The following TMEM67 variants were observed in gnomAD, a reference collection of about 807,000 sequenced individuals.
The protein encoded by TMEM67 is transmembrane protein 67.
A neutral mutation model predicts 136.6 loss-of-function variants in TMEM67; 124 were observed. The ratio of observed to expected loss-of-function variants is 0.91; its 90% CI spans 0.78 to 1.05. The LOEUF (loss-of-function observed/expected upper bound fraction) is 1.05, where lower values mean the gene tolerates loss of function less well. TMEM67 is among the 50% of genes least tolerant of loss of function. The probability of loss-of-function intolerance (pLI) is 0.00; values close to 1 mark genes in which losing one functional copy is unlikely to be tolerated. For missense variants in TMEM67, 1,107 were observed against 1,178.4 expected, an observed-to-expected ratio of 0.94 and a Z score of 0.89; for synonymous variants, 364 against 390.5, an observed-to-expected ratio of 0.93 and a Z score of 0.80.
chr8:93,815,771 C>G (rs1218584893), intron 27 of TMEM67, among the ~76,000 whole-genome samples: 1 of 152,186 alleles, frequency 6.6e-6, no homozygotes, highest in Non-Finnish European at 1.5e-5. Flanking sequence ...TCCACCCTCT[C>G]CAGACGTTAA....
chr8:93,799,814 T>C, intron 21 of TMEM67, 56 bp downstream of exon 21: 1 of 1,431,666 alleles, frequency 7.0e-7, no homozygotes, highest in Non-Finnish European at 9.8e-7. Flanking sequence ...TTTATAACTC[T>C]GCCTAATTAC....
At chr8:93,776,504 T>C (rs951291120) in intron 7 of TMEM67, among the ~76,000 whole-genome samples, 1 of 152,216 alleles carries the variant, frequency 6.6e-6, no homozygotes, top group South Asian at 2.1e-4. Flanking sequence ...TAAATAGCTC[T>C]TATTATTTTG....
intron 11 of TMEM67, among the ~76,000 whole-genome samples, chr8:93,784,871 C>A (rs746048848): frequency 6.6e-6 from 1 of 152,100 alleles, no homozygotes; most frequent in Non-Finnish European, 1.5e-5. Context: ...GAATTTATCC[C>A]GTAGGACAGT....
chr8:93,755,153 G>T lies in TMEM67; in HGVS notation c.223+16G>T. On this transcript the variant is annotated intron_variant, in intron 1 of 27. Transcript: ENST00000453321. ...GATGCCCGAGGTAAGACGGTTTGCG[G>T]TGGGCCCTGGCAAAAGTAACACTCC... 6.2e-7 allele frequency: 1 copy of T among 1,611,910 alleles called. No individual in the cohort carries two copies. Among genetic ancestry groups the T allele is most frequent in the Admixed American group, 1.7e-5 (1 of 60,016 alleles).
Position 93,772,648 on chromosome 8 carries a change from TTGGG to T in TMEM67, c.713_714+2del. The T allele has an allele frequency of 1.2e-6, 2 of 1,610,032 alleles. No individual in the cohort carries two copies. The highest frequency in any genetic ancestry group is 1.7e-6 in the Non-Finnish European group (2 of 1,177,260). Reference sequence around the variant, plus strand: ...ATTTGCAATCATCAGCAGCTGCATGTTGGGTAAGTTTGAATTTTTTAAATAAATT... The same window carrying T: ...ATTTGCAATCATCAGCAGCTGCATGTTAAGTTTGAATTTTTTAAATAAATT... On this transcript the variant is annotated splice_donor_variant and coding_sequence_variant, in exon 7 of 28. Coordinates refer to ENST00000453321, the MANE Select transcript of TMEM67 (RefSeq NM_153704.6). LOFTEE classifies it high-confidence loss of function.
chr8:93,796,552 T>C (rs1436008443), intron 18 of TMEM67, among the ~76,000 whole-genome samples: 1 of 152,220 alleles, frequency 6.6e-6, no homozygotes, highest in Non-Finnish European at 1.5e-5. Context: ...AAGTATCTCA[T>C]ACTTAGATTT....
At chr8:93,779,285 T>C (rs1813700293) in intron 7 of TMEM67, among the ~76,000 whole-genome samples, 1 of 152,214 alleles carries the variant, frequency 6.6e-6, no homozygotes, top group Non-Finnish European at 1.5e-5. Context: ...TTAGCTTCCT[T>C]CCGACGGGTT....
At chr8:93,829,638 G>A in the TMEM67 span, among the ~76,000 whole-genome samples, 1 of 152,182 alleles carries the variant, frequency 6.6e-6, no homozygotes, top group Non-Finnish European at 1.5e-5. Context: ...AGCGTTCTGT[G>A]ACTTTTTTTT....
At chr8:93,804,958 AAC>A (rs1815071520) in intron 23 of TMEM67, 80 bp downstream of exon 23, 2 of 907,070 alleles carry the variant, frequency 2.2e-6, no homozygotes, top group Non-Finnish European at 3.6e-6. Context: ...TTAAAAAAAA[AAC>A]AGTCTTCATT....
chr8:93,758,832 C>A (rs979108416), intron 3 of TMEM67: 3 of 409,222 alleles, frequency 7.3e-6, no homozygotes, highest in South Asian at 3.2e-5. Context: ...CTCCTGGCCT[C>A]GAGAGATCTT....
chr8:93,795,628 A>G (rs763509592), intron 17 of TMEM67, 121 bp downstream of exon 17: 21 of 840,370 alleles, frequency 2.5e-5, no homozygotes, highest in Admixed American at 1.1e-4. Flanking sequence ...AAAAGTTCCC[A>G]ACTCCCCATT....
chr8:93,779,356 G>T (rs1417194020), intron 7 of TMEM67, among the ~76,000 whole-genome samples: 1 of 152,132 alleles, frequency 6.6e-6, no homozygotes, highest in Non-Finnish European at 1.5e-5. Flanking sequence ...GCGTACTTCT[G>T]TCAGTTTGTC....
chr8:93,762,473 A>G (rs1190024417), intron 3 of TMEM67, among the ~76,000 whole-genome samples: 1 of 151,578 alleles, frequency 6.6e-6, no homozygotes, highest in Non-Finnish European at 1.5e-5. Context: ...TTGGGATTAC[A>G]GGTGTGAGCC....
At chr8:93,800,434 C>T (rs1814822506) in intron 21 of TMEM67, among the ~76,000 whole-genome samples, 1 of 152,042 alleles carries the variant, frequency 6.6e-6, no homozygotes, top group Non-Finnish European at 1.5e-5. Flanking sequence ...TAGATGGGTT[C>T]CAGCAGGACT....
downstream of TMEM67, among the ~76,000 whole-genome samples, chr8:93,820,953 ATTAT>A (rs1809032709): frequency 6.6e-6 from 1 of 152,180 alleles, no homozygotes; most frequent in South Asian, 2.1e-4. Context: ...TTCCATTGTA[ATTAT>A]TATTGTTACA....
rs1325415523 is a variant in TMEM67, at chr8:93,772,646, T to A, written c.709T>A (p.Cys237Ser). Residue 237 changes from cysteine (C) to serine (S), a missense_variant, in exon 7 of 28, where the codon TGT becomes AGT. By Grantham distance (112) the Cys-to-Ser change is moderately radical. Coordinates refer to ENST00000453321, the MANE Select transcript of TMEM67 (RefSeq NM_153704.6). ...GTATTTGCAATCATCAGCAGCTGCA[T>A]GTTGGGTAAGTTTGAATTTTTTAAA... ...AKYLQSSAAA[C>S]WVYANLTSCQ... is the part of the protein sequence containing the mutation. 1 of 1,610,750 alleles carries A rather than the reference T, an allele frequency of 6.2e-7. No individual in the cohort carries two copies.
chr8:93,792,670 T>C (rs1334253359), intron 15 of TMEM67, among the ~76,000 whole-genome samples: 1 of 151,948 alleles, frequency 6.6e-6, no homozygotes, highest in Admixed American at 6.5e-5. Flanking sequence ...AACTCATATT[T>C]ATTTTATTCT....
chr8:93,761,267 C>T (rs1563677560), intron 3 of TMEM67, among the ~76,000 whole-genome samples: 1 of 152,184 alleles, frequency 6.6e-6, no homozygotes, highest in Non-Finnish European at 1.5e-5. Context: ...CCATTGCACT[C>T]CAGCCTGGGC....
Position 93,762,052 on chromosome 8 carries a change from C to T in TMEM67, c.407-1790C>T, listed in dbSNP as rs181336458. The T allele has an allele frequency of 2.0e-5, 3 of 152,172 alleles. No individual in the cohort carries two copies. In the East Asian group the frequency reaches 5.8e-4, roughly 29 times the overall value. 9.4% of individuals were successfully genotyped at this position (152,172 alleles called of 1,614,324 possible). A position where few individuals can be genotyped will look rare whatever the true frequency, so the allele number is the denominator to read the frequency against. On this transcript the variant is annotated intron_variant, in intron 3 of 27. Transcript: ENST00000453321. ...GGTGGATCACCTGAGGTTAGAAGTT[C>T]AAAACCACCCTGGCCAACATGGTGA...
Sources: gnomAD v4.1 joint callset for allele counts (sites outside exome capture counted in the v4.1 genomes callset) on GRCh38, gnomAD v4.1.1 for gene constraint, MANE v1.5 for transcripts, NCBI Gene and HGNC (gene_info 2026-07-23, HGNC 2026-07-21) for gene names.